ABCC4: variants seen among roughly 807,000 people sequenced by gnomAD.
The protein encoded by ABCC4 is ATP-binding cassette sub-family C member 4.
ABCC4 carries 102 observed loss-of-function variants against 168.5 expected under a neutral mutation model. The ratio of observed to expected loss-of-function variants is 0.61; its 90% CI spans 0.52 to 0.71. ABCC4 has a LOEUF of 0.71. Ranked by LOEUF, ABCC4 falls within the 30% of genes least tolerant of loss-of-function variation. ABCC4 has a pLI of 0.00. For synonymous variants in ABCC4, 617 were observed against 590.7 expected (o/e 1.04, Z -0.65); for missense variants, 1,402 against 1,605.8 (o/e 0.87, Z 2.17).
chr13:95,163,127 T>A lies in ABCC4; in HGVS notation c.2303A>T (p.Tyr768Phe), dbSNP rs772916128. The A allele has an allele frequency of 5.5e-5, 88 of 1,606,994 alleles. No homozygotes were observed. The highest frequency in any genetic ancestry group is 7.2e-5 in the Non-Finnish European group (85 of 1,173,850). The stretch of plus-strand genomic sequence containing the variant: ...ACCAAATGATTAAACTTTACCTGAA[T>A]AAATTCCTAAGTACCAGTTAAGATC... ...KLDLNWYLGIYSGLTVATVLF... is the reference protein window; with the variant it reads ...KLDLNWYLGIFSGLTVATVLF... Residue 768 changes from tyrosine to phenylalanine, a missense_variant, in exon 18 of 31, where the codon TAT (tyrosine) becomes TTT (phenylalanine). Around this residue, in one of 3 missense-constraint regions of ABCC4, gnomAD observed 1,007 missense variants for 1,127.3 expected, o/e 0.89. Transcript: ENST00000645237.
At chr13:95,152,815 CCA>C (rs1283190834) in intron 19 of ABCC4, among the ~76,000 whole-genome samples, 1 of 152,012 alleles carries the variant, frequency 6.6e-6, no homozygotes, top group Non-Finnish European at 1.5e-5. Flanking sequence ...AAATTAAACT[CCA>C]GTTATAAATG....
intron 22 of ABCC4, chr13:95,075,221 G>C (rs1237697935): frequency 1.9e-5 from 11 of 583,472 alleles, no homozygotes; most frequent in Middle Eastern, 4.5e-4. Context: ...AAGCCAGTCA[G>C]GGGGCACAAA....
intron 27 of ABCC4, among the ~76,000 whole-genome samples, chr13:95,049,955 CTA>C (rs2032760224): frequency 6.6e-6 from 1 of 152,168 alleles, no homozygotes; most frequent in Non-Finnish European, 1.5e-5. Context: ...AACCAAGTGA[CTA>C]TGTTTTTTGT....
chr13:95,056,709 C>A (rs1049370800), intron 26 of ABCC4, among the ~76,000 whole-genome samples: 5 of 150,830 alleles, frequency 3.3e-5, no homozygotes, highest in African/African-American at 1.2e-4. Flanking sequence ...AAGAGACACA[C>A]TCTGGTTAAC....
intron 16 of ABCC4, among the ~76,000 whole-genome samples, chr13:95,164,054 A>AAAAAAAAAAAAAAAGAAAG (rs59935866): frequency 7.2e-6 from 1 of 139,014 alleles, no homozygotes; most frequent in Admixed American, 7.4e-5. Context: ...AAAAAAAAAA[A>AAAAAAAAAAAAAAAGAAAG]AAAGAAAGAA....
intron 1 of ABCC4, among the ~76,000 whole-genome samples, chr13:95,256,087 T>C (rs1177359625): frequency 1.3e-5 from 2 of 152,116 alleles, no homozygotes; most frequent in South Asian, 2.1e-4. Flanking sequence ...AATGAAGAAA[T>C]GTGAGTAAGA....
chr13:95,041,734 G>T (rs1234751227), intron 29 of ABCC4, among the ~76,000 whole-genome samples: 5 of 152,146 alleles, frequency 3.3e-5, no homozygotes. Flanking sequence ...ATCTGAGGAA[G>T]AATGGTATTT....
chr13:95,110,794 C>T, intron 20 of ABCC4, among the ~76,000 whole-genome samples: 1 of 151,684 alleles, frequency 6.6e-6, no homozygotes, highest in Non-Finnish European at 1.5e-5. Flanking sequence ...ATGGTGAAAC[C>T]CCATCTCTAC....
intron 13 of ABCC4, among the ~76,000 whole-genome samples, chr13:95,175,277 T>C (rs2037631489): frequency 6.6e-6 from 1 of 152,122 alleles, no homozygotes; most frequent in South Asian, 2.1e-4. Context: ...CCTAGCACCT[T>C]AGAAATTGAA....
In ABCC4 at chr13:95,138,326, T is replaced by C. The variant is rs543481510; in HGVS notation, c.2456-22325A>G. 1.2e-4 allele frequency among the ~76,000 whole-genome samples: 18 copies of C among 152,298 alleles called. No homozygotes were observed. In the South Asian group the frequency reaches 3.7e-3, roughly 32 times the overall value. On this transcript the variant is annotated intron_variant, in intron 19 of 30. Coordinates refer to ENST00000645237, the MANE Select transcript of ABCC4 (RefSeq NM_005845.5). ...GCAATAATTTTCTGGATTACAGAGA[T>C]AATAAAATATGTTGGTTTACTCCTC...
rs1380627354 is a variant in ABCC4, at chr13:95,099,468, T to C, written c.2536-16178A>G. On this transcript the variant is annotated intron_variant, in intron 20 of 30. Transcript: ENST00000645237. ...AATTCAACCTAAAAAAAACTGTCGA[T>C]TTTATTGTATATAAACTATACCTCA... 2.6e-5 allele frequency among the ~76,000 whole-genome samples: 4 copies of C among 152,142 alleles called. No homozygotes were observed. In the East Asian group the frequency reaches 7.7e-4, roughly 29 times the overall value.
At chr13:95,034,517 A>T in intron 30 of ABCC4, 88 bp downstream of exon 30, 1 of 1,494,432 alleles carries the variant, frequency 6.7e-7, no homozygotes. Context: ...AAGGGTACAC[A>T]GTGCTTGTTA....
chr13:95,226,746 T>C (rs1013463746), intron 4 of ABCC4, among the ~76,000 whole-genome samples: 1 of 151,972 alleles, frequency 6.6e-6, no homozygotes, highest in Non-Finnish European at 1.5e-5. Flanking sequence ...ACACCCGGGC[T>C]CTCCTGCATA....
chr13:95,034,598 C>G lies in ABCC4; in HGVS notation c.3870+7G>C. The G allele has an allele frequency of 6.2e-7, 1 of 1,611,608 alleles. No individual in the cohort carries two copies. Among genetic ancestry groups the G allele is most frequent in the Non-Finnish European group, 8.5e-7 (1 of 1,179,482 alleles). Reference sequence around the variant, plus strand: ...ACTTTAATTACAACTCCTTGGAGCACGCTCACCTGTTTTGCTGTTTCAGTG... The same window carrying G: ...ACTTTAATTACAACTCCTTGGAGCAGGCTCACCTGTTTTGCTGTTTCAGTG... On this transcript the variant is annotated splice_region_variant and intron_variant, in intron 30 of 30. Coordinates refer to ENST00000645237, the MANE Select transcript of ABCC4 (RefSeq NM_005845.5).
chr13:95,074,128 T>C (rs2033818480), intron 23 of ABCC4, 86 bp downstream of exon 23: 1 of 1,016,586 alleles, frequency 9.8e-7, no homozygotes, highest in Non-Finnish European at 1.5e-6. Flanking sequence ...TATGTAGTAG[T>C]AGACAAGGTG....
chr13:95,165,500 A>T (rs1312732613), intron 15 of ABCC4, among the ~76,000 whole-genome samples: 1 of 152,196 alleles, frequency 6.6e-6, no homozygotes, highest in Non-Finnish European at 1.5e-5. Context: ...AGGACTTAGA[A>T]GGCATGAGAT....
intron 22 of ABCC4, 140 bp downstream of exon 22, chr13:95,075,292 G>T: frequency 9.2e-7 from 1 of 1,086,974 alleles, no homozygotes; most frequent in East Asian, 2.4e-5. Flanking sequence ...GGATGGGGAA[G>T]GAGACGAAGA....
intron 19 of ABCC4, among the ~76,000 whole-genome samples, chr13:95,140,031 C>T (rs1239344118): frequency 6.6e-6 from 1 of 152,188 alleles, no homozygotes; most frequent in Non-Finnish European, 1.5e-5. Flanking sequence ...GTTGCCTTGA[C>T]CATCTCCAGG....
intron 8 of ABCC4, among the ~76,000 whole-genome samples, chr13:95,198,374 T>A (rs1259828993): frequency 1.3e-5 from 2 of 152,190 alleles, no homozygotes; most frequent in African/African-American, 4.8e-5. Flanking sequence ...TTATCACTGG[T>A]CATTAAAGAA....
Sources: allele counts gnomAD v4.1 joint callset (sites outside exome capture counted in the v4.1 genomes callset), GRCh38; gene constraint gnomAD v4.1.1; regional missense constraint gnomAD v4.1.1; transcripts MANE v1.5; gene names NCBI Gene and HGNC (gene_info 2026-07-23, HGNC 2026-07-21).